ABCD3: variants seen among roughly 807,000 people sequenced by gnomAD.
The protein encoded by ABCD3 is ATP binding cassette subfamily D member 3, also known as ATP-binding cassette sub-family D member 3.
ABCD3 carries 41 observed loss-of-function variants against 105.5 expected under a neutral mutation model. The observed-to-expected ratio is 0.39, with a 90% CI of 0.30 to 0.50. The LOEUF is 0.50. ABCD3 is among the 20% of genes least tolerant of loss of function. ABCD3 has a pLI of 0.84. For synonymous variants in ABCD3, 258 were observed against 269.0 expected, an observed-to-expected ratio of 0.96 and a Z score of 0.40; for missense variants, 622 against 806.3, an observed-to-expected ratio of 0.77 and a Z score of 2.77.
At chr1:94,431,517 CA>C (rs911868743) in intron 1 of ABCD3, among the ~76,000 whole-genome samples, 7 of 151,540 alleles carry the variant, frequency 4.6e-5, no homozygotes, top group African/African-American at 7.3e-5. Flanking sequence ...ATTTCTAGTT[CA>C]AAAAAAACCA....
the ABCD3 span, among the ~76,000 whole-genome samples, chr1:94,395,152 A>G: frequency 1.3e-5 from 2 of 152,120 alleles, no homozygotes; most frequent in Non-Finnish European, 2.9e-5. Flanking sequence ...AGTCTGAATA[A>G]TGCTTCTCTC....
At chr1:94,487,158 T>C (rs963140425) in intron 10 of ABCD3, among the ~76,000 whole-genome samples, 16 of 152,224 alleles carry the variant, frequency 1.1e-4, no homozygotes, top group African/African-American at 3.1e-4. Context: ...TCCGGACAGC[T>C]AGTGTTTCAC....
chr1:94,413,743 A>G (rs1658954288), upstream of ABCD3, among the ~76,000 whole-genome samples: 1 of 152,182 alleles, frequency 6.6e-6, no homozygotes, highest in South Asian at 2.1e-4. Flanking sequence ...GTTCTCAGTG[A>G]CTTGAGGTGT....
chr1:94,390,216 G>A, the ABCD3 span, among the ~76,000 whole-genome samples: 1 of 152,164 alleles, frequency 6.6e-6, no homozygotes, highest in African/African-American at 2.4e-5. Flanking sequence ...ATGGTCCATA[G>A]AGTTCCTGTA....
At position 94,491,266 on chromosome 1, in the gene ABCD3, A is replaced by G. The variant is rs769213764; in HGVS notation, c.1386+19A>G. Reference sequence around the variant, plus strand: ...TTTTGAAGTAAGTTTTTAAATGATCATATAAAAGCTTAAATCATCTTTAAA... The same window carrying G: ...TTTTGAAGTAAGTTTTTAAATGATCGTATAAAAGCTTAAATCATCTTTAAA... On this transcript the variant is annotated intron_variant, in intron 16 of 22. Transcript: ENST00000370214. The G allele has an allele frequency of 1.3e-5, 20 of 1,570,402 alleles. 1 individual carries two copies. Among genetic ancestry groups the G allele is most frequent in the African/African-American group, 2.7e-5 (2 of 74,068 alleles).
intron 1 of ABCD3, among the ~76,000 whole-genome samples, chr1:94,430,146 C>G (rs907488529): frequency 6.6e-6 from 1 of 152,238 alleles, no homozygotes; most frequent in Non-Finnish European, 1.5e-5. Context: ...CCTGCAGCCC[C>G]TTTGTTTTGA....
intron 1 of ABCD3, among the ~76,000 whole-genome samples, chr1:94,444,072 G>T (rs1254632413): frequency 6.6e-6 from 1 of 151,858 alleles, no homozygotes; most frequent in Non-Finnish European, 1.5e-5. Flanking sequence ...AGTGGCTCAT[G>T]CCTGTAATCC....
At chr1:94,413,793 A>T (rs1658955060), upstream of ABCD3, among the ~76,000 whole-genome samples, 1 of 152,200 alleles carries the variant, frequency 6.6e-6, no homozygotes, top group South Asian at 2.1e-4. Context: ...CTCTAAAAAA[A>T]ATTTAAGATC....
the ABCD3 span, among the ~76,000 whole-genome samples, chr1:94,398,476 A>G: frequency 6.6e-6 from 1 of 152,224 alleles, no homozygotes; most frequent in African/African-American, 2.4e-5. Context: ...ACTGTAACCT[A>G]ACAGTTTTCA....
chr1:94,439,937 C>T (rs1428192583), intron 1 of ABCD3, among the ~76,000 whole-genome samples: 1 of 152,160 alleles, frequency 6.6e-6, no homozygotes, highest in Non-Finnish European at 1.5e-5. Flanking sequence ...GGTGCAATCA[C>T]AGCTTCCTGC....
At chr1:94,475,824 A>G in intron 7 of ABCD3, 87 bp downstream of exon 7, 1 of 1,028,600 alleles carries the variant, frequency 9.7e-7, no homozygotes, top group South Asian at 1.4e-5. Context: ...GATTTTGTGG[A>G]CATAACAGCA....
At position 94,487,975 on chromosome 1, in the gene ABCD3, A is replaced by G. The variant is rs189588825; in HGVS notation, c.1149A>G (p.Arg383=). 6.2e-7 allele frequency: 1 copy of G among 1,612,716 alleles called. No individual in the cohort carries two copies. Among genetic ancestry groups the G allele is most frequent in the East Asian group, 2.2e-5 (1 of 44,846 alleles). ...RIVLAGREMT[R]LAGFTARITE... is the part of the protein sequence containing the mutation. ...TTTTGGCTGGGCGTGAAATGACTAG[A>G]TTGGCCGGGTAAGATTAGTAATAAT... The change falls in exon 13 of 23, where the codon AGA becomes AGG. Residue 383 remains arginine, a synonymous_variant. Coordinates refer to ENST00000370214, the MANE Select transcript of ABCD3 (RefSeq NM_002858.4).
Position 94,418,665 on chromosome 1 carries a change from C to A in ABCD3, c.110+77C>A, listed in dbSNP as rs1294330357. 5.5e-6 allele frequency: 8 copies of A among 1,446,884 alleles called. No individual in the cohort carries two copies. The East Asian group carries it at 2.0e-4, about 36-fold the overall frequency. 89.6% of individuals were successfully genotyped at this position (1,446,884 alleles called of 1,614,324 possible). The stretch of plus-strand genomic sequence containing the variant: ...CGCGCGCTCTCTCTCCCCACCCGGC[C>A]GACAGGTCTCTTTGCCCGACGGGGT... On this transcript the variant is annotated intron_variant, in intron 1 of 22. Transcript: ENST00000370214.
chr1:94,452,894 C>A (rs1001740208), intron 1 of ABCD3, among the ~76,000 whole-genome samples: 7 of 152,032 alleles, frequency 4.6e-5, no homozygotes, highest in Non-Finnish European at 8.8e-5. Flanking sequence ...TGCACCACCA[C>A]GCCCAGCTAA....
rs186846921 is a variant in ABCD3, at chr1:94,499,959, C to G, written c.1740+345C>G. ...TGAAATTTCTTCTCATGTCTCTTCCCTATAGACATCTCTTTTGTATCACTC... is the reference window on the plus strand; with the variant it reads ...TGAAATTTCTTCTCATGTCTCTTCCGTATAGACATCTCTTTTGTATCACTC... On this transcript the variant is annotated intron_variant, in intron 20 of 22. Coordinates refer to ENST00000370214, the MANE Select transcript of ABCD3 (RefSeq NM_002858.4). Among the ~76,000 whole-genome samples, 481 of 152,144 alleles carry G rather than the reference C, an allele frequency of 3.2e-3. 2 individuals carry two copies. Among genetic ancestry groups the G allele is most frequent in the Non-Finnish European group, 5.1e-3 (348 of 68,000 alleles).
At chr1:94,485,652 ACTT>A (rs1649243552) in intron 10 of ABCD3, among the ~76,000 whole-genome samples, 1 of 152,082 alleles carries the variant, frequency 6.6e-6, no homozygotes. Context: ...TCCAACAGTT[ACTT>A]CTTGTTTTAA....
At chr1:94,419,963 G>A (rs1659192275) in intron 1 of ABCD3, among the ~76,000 whole-genome samples, 1 of 152,154 alleles carries the variant, frequency 6.6e-6, no homozygotes, top group African/African-American at 2.4e-5. Context: ...CTGTTACCTG[G>A]GAACATGCCA....
intron 3 of ABCD3, among the ~76,000 whole-genome samples, chr1:94,465,915 A>G (rs149587770): frequency 6.6e-6 from 1 of 152,276 alleles, no homozygotes; most frequent in East Asian, 1.9e-4. Context: ...CTTTTTGGTC[A>G]CTGGGATCTG....
intron 1 of ABCD3, among the ~76,000 whole-genome samples, chr1:94,444,722 A>G (rs1371131352): frequency 6.6e-6 from 1 of 152,092 alleles, no homozygotes; most frequent in Non-Finnish European, 1.5e-5. Context: ...TTTTACCCTC[A>G]GTTCTGTGGG....
Sources: allele counts gnomAD v4.1 joint callset (sites outside exome capture counted in the v4.1 genomes callset), GRCh38; gene constraint gnomAD v4.1.1; transcripts MANE v1.5; gene names NCBI Gene and HGNC (gene_info 2026-07-23, HGNC 2026-07-21).